CCAR1: variants seen among roughly 807,000 people sequenced by gnomAD.
CCAR1 encodes cell division cycle and apoptosis regulator 1.
Under a neutral mutation model 163.8 loss-of-function variants are expected in CCAR1, and 78 were observed. That is an observed-to-expected ratio of 0.48 (90% CI 0.40 to 0.57). The LOEUF (loss-of-function observed/expected upper bound fraction) is 0.57, where lower values mean the gene tolerates loss of function less well. CCAR1 is among the 20% of genes least tolerant of loss of function. The pLI, the probability that CCAR1 is intolerant of heterozygous loss-of-function variation, is 0.00. For synonymous variants in CCAR1, 443 were observed against 460.7 expected (o/e 0.96, Z 0.49); for missense variants, 1,019 against 1,365.2 (o/e 0.75, Z 4.00).
At chr10:68,732,794 C>A (rs1209948057) in intron 2 of CCAR1, among the ~76,000 whole-genome samples, 1 of 152,134 alleles carries the variant, frequency 6.6e-6, no homozygotes, top group Non-Finnish European at 1.5e-5. Flanking sequence ...GGCATGGTGG[C>A]ATGCGACTGT....
intron 12 of CCAR1, 103 bp downstream of exon 12, chr10:68,754,930 A>T: frequency 1.5e-6 from 1 of 669,204 alleles, no homozygotes; most frequent in Non-Finnish European, 2.6e-6. Context: ...TTTGTTGATT[A>T]ATGAGTAATT....
rs1441765184 is a variant in CCAR1 at position 68,772,901 on chromosome 10, A to G, written c.2539-87A>G. 7 of 619,430 alleles carry G rather than the reference A, an allele frequency of 1.1e-5. No individual in the cohort carries two copies. The East Asian group carries it at 2.0e-4, about 17-fold the overall frequency. 38.4% of individuals were successfully genotyped at this position (619,430 alleles called of 1,614,324 possible). A position where few individuals can be genotyped will look rare whatever the true frequency, so the allele number is the denominator to read the frequency against. ...CCAGGCCAGTGGATCGCTTGAGCCC[A>G]CGGGTTGGAGACCAGCGTGGGCAAT... On this transcript the variant is annotated intron_variant, in intron 18 of 24. Coordinates refer to ENST00000265872, the MANE Select transcript of CCAR1 (RefSeq NM_018237.4).
At chr10:68,755,565 A>G in intron 13 of CCAR1, 29 bp downstream of exon 13, 2 of 1,576,450 alleles carry the variant, frequency 1.3e-6, no homozygotes, top group Non-Finnish European at 8.7e-7. Context: ...CTTGATTAGA[A>G]GTGTTTTACT....
Position 68,736,335 on chromosome 10 carries a change from T to TACC in CCAR1, c.74-540_74-539insCCA, listed in dbSNP as rs1554818796. Among the ~76,000 whole-genome samples the TACC allele has an allele frequency of 5.8e-3, 888 of 152,112 alleles. 6 individuals carry two copies. Among genetic ancestry groups the TACC allele is most frequent in the South Asian group, 0.039 (186 of 4,824 alleles). On this transcript the variant is annotated intron_variant, in intron 2 of 24. Transcript: ENST00000265872. ...TTTAACGTGCATTACTTCACCTACT[T>TACC]ATCTTTTGTGGTGAGAAGACTTAAA...
intron 2 of CCAR1, among the ~76,000 whole-genome samples, chr10:68,735,559 C>A (rs1174606971): frequency 6.6e-6 from 1 of 151,976 alleles, no homozygotes; most frequent in Non-Finnish European, 1.5e-5. Flanking sequence ...TACCTGCCTC[C>A]ATGTGTGGCT....
In CCAR1 at chr10:68,742,365, T is replaced by C; in HGVS notation, c.325-11T>C. On this transcript the variant is annotated splice_polypyrimidine_tract_variant and intron_variant, in intron 5 of 24. Coordinates refer to ENST00000265872, the MANE Select transcript of CCAR1 (RefSeq NM_018237.4). The stretch of plus-strand genomic sequence containing the variant: ...TCATTACCTTAATTTGATGTTGATT[T>C]TGTTTTATAGCCAGCTGTTGCACTG... 6.4e-7 allele frequency: 1 copy of C among 1,569,408 alleles called. No individual in the cohort carries two copies. The highest frequency in any genetic ancestry group is 8.7e-7 in the Non-Finnish European group (1 of 1,155,470).
intron 6 of CCAR1, among the ~76,000 whole-genome samples, chr10:68,742,789 TA>T (rs1039075998): frequency 7.2e-5 from 11 of 151,936 alleles, no homozygotes; most frequent in African/African-American, 2.7e-4. Flanking sequence ...CTAATTTTTG[TA>T]TCTTTATTAG....
rs193120401 is a variant in CCAR1 at position 68,786,157 on chromosome 10, C to T, written c.2672C>T (p.Thr891Ile). The T allele has an allele frequency of 1.2e-6, 2 of 1,612,172 alleles. No homozygotes were observed. The highest frequency in any genetic ancestry group is 1.3e-5 in the African/African-American group (1 of 74,928). Reference sequence around the variant, plus strand: ...ACAGATAGGGATGAGGAAGAAATGACCAAACGAGATGACAAAAGAGATATC... The same window carrying T: ...ACAGATAGGGATGAGGAAGAAATGATCAAACGAGATGACAAAAGAGATATC... Reference protein sequence around the residue: ...EEDDRDEEEMTKRDDKRDINR... With the variant: ...EEDDRDEEEMIKRDDKRDINR... Residue 891 changes from threonine to isoleucine, a missense_variant, in exon 20 of 25, where the codon ACC (threonine) becomes ATC (isoleucine). Physicochemically the swap from Thr to Ile is moderately conservative, Grantham distance 89. This residue lies in a region of CCAR1 where 358 missense variants were observed against 406.4 expected (regional missense o/e 0.88). Transcript: ENST00000265872.
chr10:68,788,422 ACACATT>A, intron 23 of CCAR1, 94 bp downstream of exon 23: 1 of 771,288 alleles, frequency 1.3e-6, no homozygotes, highest in Non-Finnish European at 1.9e-6. Context: ...GTACCTGTGT[ACACATT>A]TGCATATGCA....
intron 24 of CCAR1, 41 bp downstream of exon 24, chr10:68,789,956 A>T (rs747909867): frequency 1.7e-5 from 21 of 1,271,404 alleles, no homozygotes; most frequent in Non-Finnish European, 2.1e-5. Context: ...TAGTTTTAAA[A>T]ATCTAACTCT....
At chr10:68,741,166 C>T (rs1385612490) in intron 5 of CCAR1, among the ~76,000 whole-genome samples, 2 of 152,026 alleles carry the variant, frequency 1.3e-5, no homozygotes, top group Non-Finnish European at 1.5e-5. Context: ...GATCTACCTG[C>T]CTTGGCCTCC....
chr10:68,756,380 A>G lies in CCAR1; in HGVS notation c.1733A>G (p.His578Arg). 2 of 1,613,996 alleles carry G rather than the reference A, an allele frequency of 1.2e-6. No homozygotes were observed. Among genetic ancestry groups the G allele is most frequent in the South Asian group, 1.1e-5 (1 of 91,070 alleles). The change falls in exon 14 of 25, where the codon CAT becomes CGT. Residue 578 changes from histidine to arginine, a missense_variant. Physicochemically the swap from His to Arg is conservative, Grantham distance 29 (BLOSUM62 0). Coordinates refer to ENST00000265872, the MANE Select transcript of CCAR1 (RefSeq NM_018237.4). This position sits in a 1 kb window ranked among gnomAD's most constrained non-coding sequence, Gnocchi z 5.1. ...GTTTTATTTTTCCCGGATGTTTGGC[A>G]TTGCCTTCCCACCCGCTCAGAGTGG... is the stretch of plus-strand genomic sequence containing the variant. ...TVVLFFPDVWHCLPTRSEWET... is the reference protein window; with the variant it reads ...TVVLFFPDVWRCLPTRSEWET...
At chr10:68,771,666 C>G (rs935587630) in intron 18 of CCAR1, among the ~76,000 whole-genome samples, 22 of 151,926 alleles carry the variant, frequency 1.4e-4, no homozygotes, top group African/African-American at 5.3e-4. Context: ...GCCTATAGTC[C>G]TAGCTATTGG....
intron 2 of CCAR1, among the ~76,000 whole-genome samples, chr10:68,723,938 C>T (rs2055901059): frequency 6.6e-6 from 1 of 151,820 alleles, no homozygotes; most frequent in African/African-American, 2.4e-5. Context: ...GTGGGTGGAT[C>T]ACCTGAAGTC....
At chr10:68,747,056 T>G (rs2056265677) in intron 6 of CCAR1, 105 bp from the exon 7 acceptor site, 1 of 599,040 alleles carries the variant, frequency 1.7e-6, no homozygotes, top group Non-Finnish European at 2.8e-6. Context: ...TATTTTTTTT[T>G]GAGATATGGT....
At chr10:68,764,498 A>G (rs1006233144) in intron 16 of CCAR1, among the ~76,000 whole-genome samples, 1 of 151,116 alleles carries the variant, frequency 6.6e-6, no homozygotes, top group Non-Finnish European at 1.5e-5. Flanking sequence ...TCACACCACT[A>G]CTCTCTAGCC....
intron 16 of CCAR1, among the ~76,000 whole-genome samples, chr10:68,765,099 T>A (rs535468337): frequency 1.3e-5 from 2 of 152,340 alleles, no homozygotes; most frequent in East Asian, 3.9e-4. Flanking sequence ...TTGGCTTGCT[T>A]TCTGAAGTTT....
At chr10:68,790,767 C>T (rs914076265) in intron 24 of CCAR1, among the ~76,000 whole-genome samples, 3 of 144,100 alleles carry the variant, frequency 2.1e-5, no homozygotes, top group South Asian at 2.6e-4. Flanking sequence ...TCAGCACTTT[C>T]GGAGGCCAAG....
chr10:68,756,369 G>A lies in CCAR1; in HGVS notation c.1722G>A (p.Pro574=), dbSNP rs1198616767. ...TGGAGACAGTGGTTTTATTTTTCCC[G>A]GATGTTTGGCATTGCCTTCCCACCC... ...AHVETVVLFF[P]DVWHCLPTRS... Residue 574 remains proline, a synonymous_variant, in exon 14 of 25, where the codon CCG becomes CCA. Transcript: ENST00000265872. The surrounding 1 kb of genome is among the most constrained non-coding windows in gnomAD (Gnocchi z 5.1). The A allele has an allele frequency of 2.5e-6, 4 of 1,613,824 alleles. No homozygotes were observed. The highest frequency in any genetic ancestry group is 3.4e-6 in the Non-Finnish European group (4 of 1,179,980).
Sources: gnomAD v4.1 joint callset for allele counts (sites outside exome capture counted in the v4.1 genomes callset) on GRCh38, gnomAD v4.1.1 for gene constraint, gnomAD v4.1.1 regional missense constraint, Gnocchi (gnomAD v3.1) non-coding constraint, MANE v1.5 for transcripts, NCBI Gene and HGNC (gene_info 2026-07-23, HGNC 2026-07-21) for gene names.